GPM6A: variants seen among roughly 807,000 people sequenced by gnomAD.
GPM6A encodes neuronal membrane glycoprotein M6-a.
A neutral mutation model predicts 32.1 loss-of-function variants in GPM6A; 7 were observed. That is an observed-to-expected ratio of 0.22 (90% CI 0.12 to 0.41). The LOEUF is 0.41. Ranked by LOEUF, GPM6A falls within the 10% of genes least tolerant of loss-of-function variation. The pLI, the probability that GPM6A is intolerant of heterozygous loss-of-function variation, is 1.00. For missense variants in GPM6A, 235 were observed against 347.2 expected, an observed-to-expected ratio of 0.68 and a Z score of 2.57; for synonymous variants, 130 against 123.4, an observed-to-expected ratio of 1.05 and a Z score of -0.35.
chr4:175,794,978 A>G (rs1019006961), intron 1 of GPM6A, among the ~76,000 whole-genome samples: 1 of 152,216 alleles, frequency 6.6e-6, no homozygotes, highest in African/African-American at 2.4e-5. Flanking sequence ...AGCGAATAGA[A>G]ATTGGATGAA....
chr4:175,836,812 T>G (rs1030450433), intron 1 of GPM6A, among the ~76,000 whole-genome samples: 4 of 152,096 alleles, frequency 2.6e-5, no homozygotes, highest in Admixed American at 2.0e-4. Context: ...TTATGGAACA[T>G]GAGATTAGAA....
chr4:175,910,748 G>T (rs1738288429), intron 1 of GPM6A, among the ~76,000 whole-genome samples: 1 of 152,040 alleles, frequency 6.6e-6, no homozygotes, highest in South Asian at 2.1e-4. Context: ...GCTGAAATCT[G>T]CCTACCTCTC....
chr4:175,971,061 G>C (rs1325721451), intron 1 of GPM6A: 1 of 280,144 alleles, frequency 3.6e-6, no homozygotes, highest in Non-Finnish European at 7.0e-6. Flanking sequence ...CCCAGAAAAG[G>C]TGCAATTCCC....
Position 175,700,880 on chromosome 4 carries a change from C to T in GPM6A, c.230+695G>A, listed in dbSNP as rs200997160. On this transcript the variant is annotated intron_variant, in intron 2 of 6. Transcript: ENST00000393658. ...ACGTTTCTAGAATTCAATCCCAAAC[C>T]TTTGTTCTCTATATTATGCAATAAG... 2.3e-3 allele frequency among the ~76,000 whole-genome samples: 356 copies of T among 152,124 alleles called. 1 individual carries two copies. The highest frequency in any genetic ancestry group is 8.3e-3 in the African/African-American group (345 of 41,496).
At chr4:175,802,186 A>G (rs1443398758) in intron 1 of GPM6A, among the ~76,000 whole-genome samples, 2 of 152,160 alleles carry the variant, frequency 1.3e-5, no homozygotes, top group Non-Finnish European at 2.9e-5. Context: ...CTTCAAGATT[A>G]TACTTTTCAG....
chr4:175,700,658 TGAA>T (rs1744827686), intron 2 of GPM6A, among the ~76,000 whole-genome samples: 1 of 152,208 alleles, frequency 6.6e-6, no homozygotes, highest in Admixed American at 6.5e-5. Context: ...TAAAGGAACA[TGAA>T]GAAGATTACA....
At chr4:175,916,561 G>T (rs1353587462) in intron 1 of GPM6A, among the ~76,000 whole-genome samples, 2 of 152,138 alleles carry the variant, frequency 1.3e-5, no homozygotes, top group African/African-American at 2.4e-5. Flanking sequence ...CTTGAGACTA[G>T]TGCTAAATTT....
intron 2 of GPM6A, among the ~76,000 whole-genome samples, chr4:175,693,309 A>G (rs1744399947): frequency 6.8e-6 from 1 of 148,004 alleles, no homozygotes; most frequent in African/African-American, 2.5e-5. Context: ...TAAAATATAC[A>G]TATATAAGTA....
rs558776181 is a variant in GPM6A, at chr4:175,805,050, CA to C, written c.37+7140del. ...TGAGCGAGACTCCATCTCAAAAAAA[CA>C]AAAACAAAACAAAACAAAAACAAAA... On this transcript the variant is annotated intron_variant, in intron 1 of 6. Coordinates refer to ENST00000393658, the MANE Select transcript of GPM6A (RefSeq NM_201591.3). Among the ~76,000 whole-genome samples, 587 of 151,302 alleles carry C rather than the reference CA, an allele frequency of 3.9e-3. 7 individuals are homozygous for C. The highest frequency in any genetic ancestry group is 0.013 in the African/African-American group (555 of 41,246).
intron 1 of GPM6A, among the ~76,000 whole-genome samples, chr4:175,829,405 C>T (rs1367032469): frequency 6.6e-6 from 1 of 151,844 alleles, no homozygotes; most frequent in Non-Finnish European, 1.5e-5. Context: ...TATTTTAATA[C>T]CAACAATAAT....
At chr4:175,911,266 G>A (rs146636666) in intron 1 of GPM6A, among the ~76,000 whole-genome samples, 64 of 152,198 alleles carry the variant, frequency 4.2e-4, no homozygotes, top group Non-Finnish European at 6.6e-4. Context: ...AAGGGGTGAC[G>A]AGAATGAGAC....
At chr4:175,912,563 G>A (rs1280580226) in intron 1 of GPM6A, among the ~76,000 whole-genome samples, 1 of 152,160 alleles carries the variant, frequency 6.6e-6, no homozygotes, top group Non-Finnish European at 1.5e-5. Context: ...TCTGAGGCAG[G>A]AGAATGGCTT....
chr4:175,894,786 C>T (rs60021595), intron 1 of GPM6A, among the ~76,000 whole-genome samples: 7,508 of 151,442 alleles, frequency 0.05, 598 homozygotes, highest in African/African-American at 0.17. Flanking sequence ...AGGAGGAAAA[C>T]TCATACACAA....
chr4:175,696,300 G>A (rs1373713086), intron 2 of GPM6A, among the ~76,000 whole-genome samples: 1 of 152,108 alleles, frequency 6.6e-6, no homozygotes, highest in South Asian at 2.1e-4. Flanking sequence ...CTTTTCCAAG[G>A]TAAGAAAGCT....
chr4:175,849,788 G>A (rs115367803), intron 1 of GPM6A, among the ~76,000 whole-genome samples: 1 of 152,128 alleles, frequency 6.6e-6, no homozygotes, highest in Non-Finnish European at 1.5e-5. Flanking sequence ...GTAAAACATA[G>A]AGTGTTAAAT....
chr4:175,724,830 C>T (rs1458906787), intron 1 of GPM6A, among the ~76,000 whole-genome samples: 3 of 152,056 alleles, frequency 2.0e-5, no homozygotes, highest in Non-Finnish European at 1.5e-5. Flanking sequence ...TTGCCAAGAC[C>T]GTGCATGATG....
chr4:175,831,221 A>T (rs540362419), intron 1 of GPM6A, among the ~76,000 whole-genome samples: 1 of 152,198 alleles, frequency 6.6e-6, no homozygotes, highest in Non-Finnish European at 1.5e-5. Context: ...TGGATAGAAA[A>T]AAAAGAATTT....
chr4:175,961,033 A>T (rs1740147217), intron 1 of GPM6A, among the ~76,000 whole-genome samples: 1 of 152,220 alleles, frequency 6.6e-6, no homozygotes, highest in Non-Finnish European at 1.5e-5. Flanking sequence ...TATTCAGCAT[A>T]CCAATGTGCT....
intron 1 of GPM6A, chr4:175,971,075 C>T (rs1014894477): frequency 1.1e-5 from 3 of 280,878 alleles, no homozygotes; most frequent in Non-Finnish European, 2.1e-5. Context: ...AATTCCCTGA[C>T]AAAGTCTGTT....
Sources: allele counts gnomAD v4.1 joint callset (sites outside exome capture counted in the v4.1 genomes callset), GRCh38; gene constraint gnomAD v4.1.1; transcripts MANE v1.5; gene names NCBI Gene and HGNC (gene_info 2026-07-23, HGNC 2026-07-21).